Variants in PCTP observed in about 807,000 individuals in gnomAD.
PCTP encodes the protein phosphatidylcholine transfer protein, also known as START domain-containing protein 2.
Under a neutral mutation model 31.0 loss-of-function variants are expected in PCTP, and 27 were observed. That is an observed-to-expected ratio of 0.87 (90% CI 0.64 to 1.20). The LOEUF is 1.20. Among genes scored for constraint, PCTP ranks in the 50% most tolerant of loss-of-function variants. The probability of loss-of-function intolerance (pLI) is 0.00; values close to 1 mark genes in which losing one functional copy is unlikely to be tolerated. For synonymous variants in PCTP, 108 were observed against 101.2 expected, an observed-to-expected ratio of 1.07 and a Z score of -0.40; for missense variants, 287 against 268.2, an observed-to-expected ratio of 1.07 and a Z score of -0.49.
intron 1 of PCTP, among the ~76,000 whole-genome samples, chr17:55,761,495 A>G (rs1376015148): frequency 1.3e-5 from 2 of 149,356 alleles, no homozygotes; most frequent in African/African-American, 4.9e-5. Context: ...ATATATAAAA[A>G]TATATATACC....
intron 3 of PCTP, among the ~76,000 whole-genome samples, chr17:55,814,623 G>A (rs1912858905): frequency 6.6e-6 from 1 of 152,222 alleles, no homozygotes; most frequent in Admixed American, 6.5e-5. Context: ...AAGGTCAAGG[G>A]TTCAAGAACC....
intron 3 of PCTP, among the ~76,000 whole-genome samples, chr17:55,802,135 G>T (rs1912405150): frequency 1.3e-5 from 2 of 152,024 alleles, no homozygotes; most frequent in Non-Finnish European, 2.9e-5. Context: ...ATGAATTCCT[G>T]GACACATACA....
At chr17:55,821,333 A>G (rs2145064284) in intron 3 of PCTP, among the ~76,000 whole-genome samples, 1 of 152,332 alleles carries the variant, frequency 6.6e-6, no homozygotes, top group Non-Finnish European at 1.5e-5. Flanking sequence ...AGGCAAATCC[A>G]TACAAAGAGT....
chr17:55,757,991 C>T (rs1399710220), intron 1 of PCTP, among the ~76,000 whole-genome samples: 1 of 152,146 alleles, frequency 6.6e-6, no homozygotes, highest in Non-Finnish European at 1.5e-5. Flanking sequence ...GAGAAGTTTC[C>T]CTGAGAGAAG....
rs1912352396 is a variant in PCTP, at chr17:55,800,856, T to A, written c.317+13202T>A. 2.0e-5 allele frequency among the ~76,000 whole-genome samples: 3 copies of A among 152,270 alleles called. No homozygotes were observed. In the South Asian group the frequency reaches 6.2e-4, roughly 32 times the overall value. On this transcript the variant is annotated intron_variant, in intron 3 of 3. Transcript: ENST00000572536. Reference sequence around the variant, plus strand: ...GTTGATGCTATTCCTTTCCGTTTGTTAGTTTTCCTTCTAACAGTCTGGGCC... The same window carrying A: ...GTTGATGCTATTCCTTTCCGTTTGTAAGTTTTCCTTCTAACAGTCTGGGCC...
At chr17:55,785,476 A>T (rs868542477) in intron 2 of PCTP, among the ~76,000 whole-genome samples, 5 of 152,354 alleles carry the variant, frequency 3.3e-5, no homozygotes, top group Non-Finnish European at 2.9e-5. Flanking sequence ...ACTGCAAGAT[A>T]ATACTGTTTT....
At chr17:55,779,690 A>G (rs56760247), downstream of PCTP, among the ~76,000 whole-genome samples, 2,699 of 152,320 alleles carry the variant, frequency 0.018, 90 homozygotes, top group African/African-American at 0.06. Context: ...ATTTTTCTCC[A>G]TGATTCCCCA....
chr17:55,832,144 GTC>G (rs1281627148), intron 5 of PCTP, among the ~76,000 whole-genome samples: 2 of 152,284 alleles, frequency 1.3e-5, no homozygotes, highest in African/African-American at 4.8e-5. Context: ...TTGAGTTTCT[GTC>G]TCTCCTTTCT....
chr17:55,792,355 A>T (rs956048194), intron 3 of PCTP, among the ~76,000 whole-genome samples: 2 of 151,196 alleles, frequency 1.3e-5, no homozygotes, highest in African/African-American at 2.4e-5. Context: ...ACACATACTC[A>T]TATTTCTAAA....
In PCTP at chr17:55,836,935, C is replaced by G. The variant is rs144180705; in HGVS notation, n.506-5792C>G. On this transcript the variant is annotated intron_variant and non_coding_transcript_variant, in intron 5 of 5. Transcript: ENST00000576221. ...GTACATCAAGGGGATCTAACCTAGTCGATGGTGGAGCAGGGAATAGAGAAG... is the reference window on the plus strand; with the variant it reads ...GTACATCAAGGGGATCTAACCTAGTGGATGGTGGAGCAGGGAATAGAGAAG... 6.7e-3 allele frequency among the ~76,000 whole-genome samples: 1,021 copies of G among 152,184 alleles called. 4 individuals are homozygous for G. Among genetic ancestry groups the G allele is most frequent in the South Asian group, 0.011 (51 of 4,830 alleles).
downstream of PCTP, among the ~76,000 whole-genome samples, chr17:55,844,054 G>A (rs1232277306): frequency 6.6e-6 from 1 of 152,196 alleles, no homozygotes. Flanking sequence ...GAGAGGAAGC[G>A]ATAAATGGCT....
intron 2 of PCTP, chr17:55,770,627 A>C (rs4303611): frequency 0.062 from 9,466 of 152,420 alleles, 293 homozygotes; most frequent in Admixed American, 0.066. Flanking sequence ...CTGGGCAATA[A>C]GCTTTCAGTG....
chr17:55,828,613 C>A (rs1905483772), intron 5 of PCTP, among the ~76,000 whole-genome samples: 1 of 152,174 alleles, frequency 6.6e-6, no homozygotes, highest in African/African-American at 2.4e-5. Flanking sequence ...CAGGTAAAGT[C>A]ACATTCACAG....
intron 3 of PCTP, among the ~76,000 whole-genome samples, chr17:55,799,971 G>A (rs1912319808): frequency 6.6e-6 from 1 of 152,044 alleles, no homozygotes; most frequent in Admixed American, 6.6e-5. Flanking sequence ...TCCCTTTGTG[G>A]GTAACCTAAA....
At chr17:55,765,878 T>C (rs1279446829) in intron 1 of PCTP, among the ~76,000 whole-genome samples, 1 of 152,194 alleles carries the variant, frequency 6.6e-6, no homozygotes, top group African/African-American at 2.4e-5. Flanking sequence ...CCAGGTTCTT[T>C]AAAGATGCCA....
chr17:55,796,133 G>A (rs1211134930), intron 3 of PCTP, among the ~76,000 whole-genome samples: 1 of 151,984 alleles, frequency 6.6e-6, no homozygotes, highest in Non-Finnish European at 1.5e-5. Flanking sequence ...GCAGGAATGA[G>A]ATAAATATGT....
chr17:55,845,887 G>GGGGTGTGTGTGTGTGTGTGTGT (rs1555572496), downstream of PCTP, among the ~76,000 whole-genome samples: 2 of 142,962 alleles, frequency 1.4e-5, no homozygotes, highest in South Asian at 2.3e-4. Context: ...AGAGGGTTGG[G>GGGGTGTGTGTGTGTGTGTGTGT]GTGTGTGTGT....
rs556033656 is a variant in PCTP, at chr17:55,766,499, A to C, written c.142-836A>C. On this transcript the variant is annotated intron_variant, in intron 1 of 5. Transcript: ENST00000268896. The stretch of plus-strand genomic sequence containing the variant: ...ATTGTTCAATTCCCACCTATGAGTG[A>C]GAATATGTGGTGTTTGGTTTTTTGT... Among the ~76,000 whole-genome samples, 15 of 143,344 alleles carry C rather than the reference A, an allele frequency of 1.0e-4. No homozygotes were observed. In the East Asian group the frequency reaches 2.9e-3, roughly 27 times the overall value. 94.0% of individuals were successfully genotyped at this position (143,344 alleles called of 152,430 possible). A position where few individuals can be genotyped will look rare whatever the true frequency, so the allele number is the denominator to read the frequency against.
downstream of PCTP, among the ~76,000 whole-genome samples, chr17:55,844,544 A>G (rs749028842): frequency 7.2e-5 from 11 of 152,184 alleles, no homozygotes; most frequent in Non-Finnish European, 1.5e-4. Flanking sequence ...TTCATTTTAC[A>G]GAGGAGAAAT....
Sources: gnomAD v4.1 joint callset for allele counts (sites outside exome capture counted in the v4.1 genomes callset) on GRCh38, gnomAD v4.1.1 for gene constraint, MANE v1.5 for transcripts, NCBI Gene and HGNC (gene_info 2026-07-23, HGNC 2026-07-21) for gene names.